PITPNC1: variants seen among roughly 807,000 people sequenced by gnomAD.
The protein encoded by PITPNC1 is phosphatidylinositol transfer protein cytoplasmic 1.
A neutral mutation model predicts 44.7 loss-of-function variants in PITPNC1; 18 were observed. That is an observed-to-expected ratio of 0.40 (90% CI 0.28 to 0.60). PITPNC1 has a LOEUF of 0.60. Ranked by LOEUF, PITPNC1 falls within the 20% of genes least tolerant of loss-of-function variation. The pLI is 0.39. For synonymous variants in PITPNC1, 141 were observed against 149.6 expected, an observed-to-expected ratio of 0.94 and a Z score of 0.42; for missense variants, 290 against 418.4, an observed-to-expected ratio of 0.69 and a Z score of 2.68.
intron 5 of PITPNC1, among the ~76,000 whole-genome samples, chr17:67,590,058 G>A (rs182500101): frequency 1.3e-5 from 2 of 152,222 alleles, no homozygotes; most frequent in South Asian, 2.1e-4. Flanking sequence ...CCTACAGTGG[G>A]GGTGTGTGGA....
chr17:67,398,093 CAAAAA>C (rs534488396), intron 1 of PITPNC1, among the ~76,000 whole-genome samples: 2 of 97,842 alleles, frequency 2.0e-5, no homozygotes. Context: ...ACTCCGTCTC[CAAAAA>C]AAAAAAAAAA....
At chr17:67,442,202 A>AGCAT (rs2039021068) in intron 1 of PITPNC1, among the ~76,000 whole-genome samples, 3 of 78,626 alleles carry the variant, frequency 3.8e-5, no homozygotes, top group Non-Finnish European at 7.8e-5. Flanking sequence ...GGGGAAAATA[A>AGCAT]GCATATATAT....
Position 67,481,043 on chromosome 17 carries a change from C to CA in PITPNC1, c.49-51753dup, listed in dbSNP as rs923739991. Among the ~76,000 whole-genome samples the CA allele has an allele frequency of 3.9e-5, 6 of 152,116 alleles. No individual in the cohort carries two copies. The East Asian group carries it at 1.2e-3, about 29-fold the overall frequency. On this transcript the variant is annotated intron_variant, in intron 1 of 8. Coordinates refer to ENST00000581322, the MANE Select transcript of PITPNC1 (RefSeq NM_012417.4). ...CCAGCATGGCAAAACCCCATCTCTA[C>CA]AAAAAATACAAAAATTAGCTGGGCG...
At chr17:67,393,821 G>A (rs560315889) in intron 1 of PITPNC1, among the ~76,000 whole-genome samples, 1 of 152,286 alleles carries the variant, frequency 6.6e-6, no homozygotes, top group East Asian at 1.9e-4. Context: ...TCTGAGTAAG[G>A]AAGACCAGTT....
At chr17:67,473,441 G>C (rs2039579042) in intron 1 of PITPNC1, among the ~76,000 whole-genome samples, 1 of 151,796 alleles carries the variant, frequency 6.6e-6, no homozygotes, top group Non-Finnish European at 1.5e-5. Context: ...CCATTCTCCT[G>C]CCTCAGCCTC....
chr17:67,430,622 A>T (rs969931145), intron 1 of PITPNC1, among the ~76,000 whole-genome samples: 3 of 151,946 alleles, frequency 2.0e-5, no homozygotes, highest in African/African-American at 7.3e-5. Context: ...GTTTGAAACC[A>T]GCCTAGGCAA....
intron 1 of PITPNC1, among the ~76,000 whole-genome samples, chr17:67,497,633 A>G (rs2039971555): frequency 6.8e-6 from 1 of 146,870 alleles, no homozygotes. Context: ...GCTCAAGCGA[A>G]CCTCCCATCT....
At position 67,690,108 on chromosome 17, in the gene PITPNC1, A is replaced by G. The variant is rs555135341; in HGVS notation, c.683-2464A>G. Among the ~76,000 whole-genome samples the G allele has an allele frequency of 3.3e-5, 5 of 152,308 alleles. No individual in the cohort carries two copies. In the South Asian group the frequency reaches 1.0e-3, roughly 32 times the overall value. ...TTGTTCCCAGGAAATCCTCTTAAGG[A>G]TTTCATTTTGTGAAAAATACTTCTG... On this transcript the variant is annotated intron_variant, in intron 8 of 8. Transcript: ENST00000581322.
chr17:67,611,280 A>G (rs1159130269), intron 5 of PITPNC1: 3 of 152,194 alleles, frequency 2.0e-5, no homozygotes, highest in African/African-American at 7.2e-5. Context: ...TTCAGCAATG[A>G]CCATCCTTTT....
intron 1 of PITPNC1, among the ~76,000 whole-genome samples, chr17:67,496,146 C>T (rs1331086237): frequency 6.6e-6 from 1 of 152,038 alleles, no homozygotes; most frequent in East Asian, 1.9e-4. Flanking sequence ...AGTACTTGAC[C>T]TTAGAGGAAA....
chr17:67,641,184 G>T (rs564528878), intron 6 of PITPNC1, among the ~76,000 whole-genome samples: 27 of 152,162 alleles, frequency 1.8e-4, no homozygotes, highest in African/African-American at 6.5e-4. Context: ...CAGCAGAGAT[G>T]GAATCTGAGC....
At chr17:67,447,985 G>A (rs765626258) in intron 1 of PITPNC1, among the ~76,000 whole-genome samples, 4 of 148,488 alleles carry the variant, frequency 2.7e-5, no homozygotes, top group Admixed American at 6.7e-5. Flanking sequence ...TTGCTCTGTC[G>A]CCCAGGCTGG....
chr17:67,394,517 C>G (rs544156649), intron 1 of PITPNC1, among the ~76,000 whole-genome samples: 5 of 152,218 alleles, frequency 3.3e-5, no homozygotes, highest in African/African-American at 1.2e-4. Context: ...GACCATTGTA[C>G]TATAAAATCT....
chr17:67,384,766 A>G, intron 1 of PITPNC1, among the ~76,000 whole-genome samples: 1 of 152,182 alleles, frequency 6.6e-6, no homozygotes, highest in East Asian at 1.9e-4. Flanking sequence ...TGCATCTGCA[A>G]ACATATCAAG....
intron 1 of PITPNC1, among the ~76,000 whole-genome samples, chr17:67,521,263 T>G (rs2040321732): frequency 6.6e-6 from 1 of 152,230 alleles, no homozygotes; most frequent in South Asian, 2.1e-4. Flanking sequence ...CAATACAGTT[T>G]ATATTAGTTT....
At chr17:67,671,483 G>A in intron 7 of PITPNC1, among the ~76,000 whole-genome samples, 1 of 152,098 alleles carries the variant, frequency 6.6e-6, no homozygotes, top group Non-Finnish European at 1.5e-5. Flanking sequence ...TACTTAGATG[G>A]ATTTGTCTAT....
chr17:67,596,630 C>A (rs1191597427), intron 5 of PITPNC1, among the ~76,000 whole-genome samples: 1 of 152,134 alleles, frequency 6.6e-6, no homozygotes, highest in Non-Finnish European at 1.5e-5. Flanking sequence ...CCTGCCTCGG[C>A]CTCCTGAGTA....
intron 5 of PITPNC1, among the ~76,000 whole-genome samples, chr17:67,619,449 C>G (rs1018910375): frequency 6.6e-6 from 1 of 152,168 alleles, no homozygotes; most frequent in African/African-American, 2.4e-5. Flanking sequence ...TCCAGGGGCT[C>G]TTTTCTACTT....
At chr17:67,380,102 C>G (rs1227726712) in intron 1 of PITPNC1, among the ~76,000 whole-genome samples, 1 of 146,216 alleles carries the variant, frequency 6.8e-6, no homozygotes, top group Non-Finnish European at 1.5e-5. Flanking sequence ...TGAGATGGAG[C>G]CTTGTTATGT....
Sources: gnomAD v4.1 joint callset for allele counts (sites outside exome capture counted in the v4.1 genomes callset) on GRCh38, gnomAD v4.1.1 for gene constraint, MANE v1.5 for transcripts, NCBI Gene and HGNC (gene_info 2026-07-23, HGNC 2026-07-21) for gene names.